HERC2: variants seen among roughly 807,000 people sequenced by gnomAD.
HERC2 encodes HECT and RLD domain containing E3 ubiquitin protein ligase 2, also known as E3 ubiquitin-protein ligase HERC2.
HERC2 carries 102 observed loss-of-function variants against 537.7 expected under a neutral mutation model. That is an observed-to-expected ratio of 0.19 (90% CI 0.16 to 0.22). The LOEUF is 0.22. HERC2 is among the 10% of genes least tolerant of loss of function. The probability of loss-of-function intolerance (pLI) is 1.00; values close to 1 mark genes in which losing one functional copy is unlikely to be tolerated. For synonymous variants in HERC2, 2,224 were observed against 2,466.2 expected (o/e 0.90, Z 2.91); for missense variants, 4,236 against 6,198.2 (o/e 0.68, Z 10.63).
intron 86 of HERC2, among the ~76,000 whole-genome samples, chr15:28,120,171 T>C (rs1437493071): frequency 6.6e-6 from 1 of 152,214 alleles, no homozygotes; most frequent in African/African-American, 2.4e-5. Flanking sequence ...TTTATGAACC[T>C]AGTTAAACAA....
intron 83 of HERC2, among the ~76,000 whole-genome samples, chr15:28,128,355 C>A (rs972136582): frequency 6.6e-6 from 1 of 152,096 alleles, no homozygotes; most frequent in Non-Finnish European, 1.5e-5. Context: ...GCTCAGGACG[C>A]GGCAGCAGGA....
Position 28,132,102 on chromosome 15 carries a change from T to C in HERC2, c.12568A>G (p.Lys4190Glu), listed in dbSNP as rs146646815. Residue 4190 changes from lysine (K) to glutamate (E), a missense_variant and splice_region_variant, in exon 81 of 93, where the codon AAG becomes GAG. By Grantham distance (56) the Lys-to-Glu change is moderately conservative. This residue lies in a region of HERC2 where 38 missense variants were observed against 36.7 expected (regional missense o/e 1.04). Transcript: ENST00000261609. Reference protein sequence around the residue: ...GGSDGCKVPMKIDSLTGLGVV... With the variant: ...GGSDGCKVPMEIDSLTGLGVV... ...GGCAGGGAAAGAATGGGAAATACCTTCATAGGCACTTTACAGCCATCGCTG... is the reference window on the plus strand; with the variant it reads ...GGCAGGGAAAGAATGGGAAATACCTCCATAGGCACTTTACAGCCATCGCTG... 6.2e-6 allele frequency: 10 copies of C among 1,601,890 alleles called. No individual in the cohort carries two copies. In the African/African-American group the frequency reaches 1.3e-4, roughly 21 times the overall value.
chr15:28,121,742 G>A (rs1352385244), intron 85 of HERC2, among the ~76,000 whole-genome samples: 1 of 152,198 alleles, frequency 6.6e-6, no homozygotes, highest in East Asian at 1.9e-4. Context: ...GGGAGGGCTG[G>A]GCCTGGCAAG....
chr15:28,236,279 T>G (rs998632239), intron 26 of HERC2, among the ~76,000 whole-genome samples: 24 of 152,002 alleles, frequency 1.6e-4, no homozygotes, highest in African/African-American at 5.6e-4. Flanking sequence ...TTTATCATCA[T>G]CAGCTGTGTT....
At chr15:28,138,945 A>T (rs538416456) in intron 78 of HERC2, among the ~76,000 whole-genome samples, 64 of 152,338 alleles carry the variant, frequency 4.2e-4, no homozygotes, top group African/African-American at 1.5e-3. Context: ...GTGGATTCCA[A>T]CCCTCACAGA....
In HERC2 at chr15:28,206,313, A is replaced by C. The variant is rs1342532033; in HGVS notation, c.7139T>G (p.Leu2380Arg). 1.2e-6 allele frequency: 1 copy of C among 834,024 alleles called. No homozygotes were observed. The highest frequency in any genetic ancestry group is 2.5e-5 in the East Asian group (1 of 39,438). The allele number at this position is 834,024 out of a possible 1,614,324, so 51.7% of individuals were successfully genotyped here. Residue 2380 changes from leucine to arginine, a missense_variant, in exon 45 of 93, where the codon CTC (leucine) becomes CGC (arginine). Physicochemically the swap from Leu to Arg is moderately radical, Grantham distance 102 (BLOSUM62 -2). This residue lies in a region of HERC2 where 5 missense variants were observed against 46.4 expected (regional missense o/e 0.11). Transcript: ENST00000261609. ...SPEGPQPPMI[L>R]LQQLLASATQ... ...GGCCGAGGCCAGCAGCTGCTGCAAG[A>C]GGATCATGGGGGGCTGCGGCCCTTC...
Position 28,176,215 on chromosome 15 carries a change from T to C in HERC2, c.9686+213A>G, listed in dbSNP as rs1469396955. On this transcript the variant is annotated intron_variant, in intron 63 of 92. Transcript: ENST00000261609. This position sits in a 1 kb window ranked among gnomAD's most constrained non-coding sequence, Gnocchi z 5.0. The stretch of plus-strand genomic sequence containing the variant: ...AAAGGTAAGTGGCCTAAAATTTTTC[T>C]AGTATTTTCAAAATGACCCAGTTAC... 1.3e-5 allele frequency among the ~76,000 whole-genome samples: 2 copies of C among 152,252 alleles called. No individual in the cohort carries two copies. The highest frequency in any genetic ancestry group is 2.1e-4 in the South Asian group (1 of 4,834).
At position 28,111,522 on chromosome 15, in the gene HERC2, T is replaced by G; in HGVS notation, c.*241A>C. 1 of 567,218 alleles carries G rather than the reference T, an allele frequency of 1.8e-6. No homozygotes were observed. The highest frequency in any genetic ancestry group is 3.1e-6 in the Non-Finnish European group (1 of 320,130). 35.1% of individuals were successfully genotyped at this position (567,218 alleles called of 1,614,324 possible). A position where few individuals can be genotyped will look rare whatever the true frequency, so the allele number is the denominator to read the frequency against. ...ACTTTAGTAAACACAGTCCTACATG[T>G]AATGCAGCATTACGGGTGAGAAGAC... On this transcript the variant is annotated 3_prime_UTR_variant, in exon 93 of 93. Transcript: ENST00000261609.
chr15:28,168,708 T>C (rs963708999), intron 66 of HERC2, 118 bp from the exon 67 acceptor site: 1 of 836,072 alleles, frequency 1.2e-6, no homozygotes, highest in African/African-American at 1.7e-5. Flanking sequence ...TGAATACATG[T>C]AGAAGAGTTT....
At position 28,213,771 on chromosome 15, in the gene HERC2, G is replaced by C. The variant is rs778561736; in HGVS notation, c.6757C>G (p.Arg2253Gly). The C allele has an allele frequency of 6.2e-7, 1 of 1,613,800 alleles. No homozygotes were observed. Among genetic ancestry groups the C allele is most frequent in the African/African-American group, 1.3e-5 (1 of 74,916 alleles). The change falls in exon 42 of 93, where the codon CGC becomes GGC. Residue 2253 changes from arginine (R) to glycine (G), a missense_variant. Around this residue, in one of 27 missense-constraint regions of HERC2, gnomAD observed 67 missense variants for 140.1 expected, o/e 0.48. Transcript: ENST00000261609. ...TVQFSDMRTC[R>G]VCPLNQLKPL... ...TTCAGCTGATTCAATGGGCAAACGC[G>C]ACACGTCCGCATGTCAGAGAACTGC...
At chr15:28,314,130 G>C (rs1035737028) in intron 2 of HERC2, among the ~76,000 whole-genome samples, 4 of 151,910 alleles carry the variant, frequency 2.6e-5, no homozygotes, top group African/African-American at 9.7e-5. Flanking sequence ...CCAGAGCCTC[G>C]ACTTATTGCT....
intron 2 of HERC2, chr15:28,315,790 G>C (rs967205615): frequency 1.1e-4 from 153 of 1,413,190 alleles, no homozygotes; most frequent in Middle Eastern, 7.5e-4. Context: ...TTGTTGCACT[G>C]TGGAGGCCAC....
At chr15:28,303,647 A>G (rs1451571566) in intron 2 of HERC2, among the ~76,000 whole-genome samples, 4 of 152,166 alleles carry the variant, frequency 2.6e-5, no homozygotes, top group Admixed American at 2.6e-4. Context: ...GGTAGTACAG[A>G]CATTTTAACA....
At chr15:28,267,900 T>C (rs1422174705) in intron 12 of HERC2, among the ~76,000 whole-genome samples, 1 of 152,242 alleles carries the variant, frequency 6.6e-6, no homozygotes, top group Non-Finnish European at 1.5e-5. Context: ...TTAAACCTAA[T>C]GCCAAAGTTC....
intron 78 of HERC2, among the ~76,000 whole-genome samples, chr15:28,140,541 A>G (rs1334198499): frequency 6.6e-6 from 1 of 152,110 alleles, no homozygotes; most frequent in African/African-American, 2.4e-5. Flanking sequence ...TTGGGGGCGG[A>G]GACAGAATCT....
At chr15:28,275,504 C>T (rs1596370772) in intron 5 of HERC2, among the ~76,000 whole-genome samples, 1 of 152,214 alleles carries the variant, frequency 6.6e-6, no homozygotes, top group African/African-American at 2.4e-5. Context: ...CCTCTTCTGA[C>T]GGTGGTGCTC....
intron 64 of HERC2, 111 bp downstream of exon 64, chr15:28,175,401 T>G (rs1038650319): frequency 5.6e-5 from 58 of 1,044,336 alleles, no homozygotes; most frequent in Non-Finnish European, 7.8e-5. Flanking sequence ...GCAGTAAGAC[T>G]CAGCTGATTT....
rs1264021956 is a variant in HERC2 at position 28,205,625 on chromosome 15, T to TA, written c.7212+614dup. Among the ~76,000 whole-genome samples, 5 of 87,258 alleles carry TA rather than the reference T, an allele frequency of 5.7e-5. No individual in the cohort carries two copies. In the East Asian group the frequency reaches 1.4e-3, roughly 24 times the overall value. 57.2% of individuals were successfully genotyped at this position (87,258 alleles called of 152,430 possible). On this transcript the variant is annotated intron_variant, in intron 45 of 92. Coordinates refer to ENST00000261609, the MANE Select transcript of HERC2 (RefSeq NM_004667.6). Reference sequence around the variant, plus strand: ...TTCTGATTGCCAAACTGAGTACTGATAGTTTTATTTTTGTCTCTGATATTT... The same window carrying TA: ...TTCTGATTGCCAAACTGAGTACTGATAAGTTTTATTTTTGTCTCTGATATTT...
At chr15:28,300,052 T>TAAAAA (rs34917808) in intron 2 of HERC2, among the ~76,000 whole-genome samples, 2 of 126,304 alleles carry the variant, frequency 1.6e-5, no homozygotes, top group Non-Finnish European at 3.2e-5. Flanking sequence ...GACTCGGTGT[T>TAAAAA]AAAAAAAAAA....
Sources: allele counts gnomAD v4.1 joint callset (sites outside exome capture counted in the v4.1 genomes callset), GRCh38; gene constraint gnomAD v4.1.1; regional missense constraint gnomAD v4.1.1; non-coding constraint Gnocchi (gnomAD v3.1); transcripts MANE v1.5; gene names NCBI Gene and HGNC (gene_info 2026-07-23, HGNC 2026-07-21).